The following NDUFA10 variants were observed in gnomAD, a reference collection of about 807,000 sequenced individuals.
NDUFA10 encodes the protein NADH:ubiquinone oxidoreductase subunit A10.
NDUFA10 carries 40 observed loss-of-function variants against 47.8 expected under a neutral mutation model. The observed-to-expected ratio is 0.84, with a 90% CI of 0.65 to 1.09. The LOEUF (loss-of-function observed/expected upper bound fraction) is 1.09, where lower values mean the gene tolerates loss of function less well. Among genes scored for constraint, NDUFA10 ranks in the 50% least tolerant of loss-of-function variants. The pLI is 0.00. For synonymous variants in NDUFA10, 183 were observed against 172.2 expected (o/e 1.06, Z -0.49); for missense variants, 413 against 451.1 (o/e 0.92, Z 0.76).
chr2:239,989,332 T>C (rs149352822), intron 9 of NDUFA10, among the ~76,000 whole-genome samples: 362 of 152,384 alleles, frequency 2.4e-3, no homozygotes, highest in African/African-American at 8.2e-3. Context: ...CAGACAATTA[T>C]AGTAATGCAA....
chr2:239,925,058 A>T (rs548459295), intron 4 of NDUFA10, among the ~76,000 whole-genome samples: 2 of 152,294 alleles, frequency 1.3e-5, no homozygotes, highest in South Asian at 4.1e-4. Context: ...GTAAAATAAG[A>T]TCTAAATAGA....
At chr2:239,969,808 A>T in intron 9 of NDUFA10, 1 of 470,448 alleles carries the variant, frequency 2.1e-6, no homozygotes, top group East Asian at 6.9e-5. Context: ...CACCCACAGA[A>T]GATAAGTGAG....
At chr2:239,944,295 G>A (rs778273894) in intron 4 of NDUFA10, among the ~76,000 whole-genome samples, 38 of 152,344 alleles carry the variant, frequency 2.5e-4, no homozygotes, top group Middle Eastern at 6.8e-3. Flanking sequence ...AAGTCCCCGG[G>A]GGCAGAGCGG....
intron 4 of NDUFA10, among the ~76,000 whole-genome samples, chr2:239,907,728 A>G (rs953833003): frequency 1.8e-4 from 27 of 152,240 alleles, no homozygotes; most frequent in African/African-American, 6.5e-4. Flanking sequence ...AATGGTGATC[A>G]TTAAAAAGTC....
Position 239,916,085 on chromosome 2 carries a change from C to T in NDUFA10, c.295-20771G>A, listed in dbSNP as rs1463548362. 4.0e-5 allele frequency among the ~76,000 whole-genome samples: 6 copies of T among 149,420 alleles called. No individual in the cohort carries two copies. The East Asian group carries it at 9.8e-4, about 24-fold the overall frequency. ...ACATACATACTCAGACACAAAGATA[C>T]AGATACACACAGAGAGACACAGAGA... On this transcript the variant is annotated intron_variant, in intron 4 of 5. Coordinates refer to the NDUFA10 transcript ENST00000419408.
chr2:239,940,181 C>T (rs1249831220), intron 4 of NDUFA10, among the ~76,000 whole-genome samples: 1 of 152,260 alleles, frequency 6.6e-6, no homozygotes, highest in African/African-American at 2.4e-5. Context: ...TACTCAACTC[C>T]AGGCAAAACC....
intron 4 of NDUFA10, among the ~76,000 whole-genome samples, chr2:239,937,537 T>C (rs1694284570): frequency 6.6e-6 from 1 of 152,232 alleles, no homozygotes; most frequent in Non-Finnish European, 1.5e-5. Context: ...ATTCATTTTA[T>C]GGCCTAATGA....
chr2:240,005,407 G>A (rs1559383051), intron 7 of NDUFA10, 112 bp from the exon 8 acceptor site: 2 of 843,290 alleles, frequency 2.4e-6, no homozygotes, highest in East Asian at 5.3e-5. Flanking sequence ...GGAAAGTAGT[G>A]GCACAATCAC....
intron 8 of NDUFA10, among the ~76,000 whole-genome samples, chr2:240,001,292 G>A (rs183728185): frequency 1.3e-5 from 2 of 152,254 alleles, no homozygotes; most frequent in African/African-American, 4.8e-5. Flanking sequence ...TAGTATTAAA[G>A]AACAAAAATA....
intron 4 of NDUFA10, among the ~76,000 whole-genome samples, chr2:239,910,335 A>G (rs1330289837): frequency 6.6e-6 from 1 of 152,240 alleles, no homozygotes; most frequent in African/African-American, 2.4e-5. Context: ...TCAATGATAG[A>G]CTGGGTAAAG....
rs967004163 is a variant in NDUFA10 at position 239,987,347 on chromosome 2, T to G, written c.999+2727A>C. Among the ~76,000 whole-genome samples the G allele has an allele frequency of 6.6e-6, 1 of 151,984 alleles. No homozygotes were observed. Among genetic ancestry groups the G allele is most frequent in the Non-Finnish European group, 1.5e-5 (1 of 67,994 alleles). On this transcript the variant is annotated intron_variant, in intron 9 of 9. Transcript: ENST00000252711. The surrounding 1 kb of genome is among the most constrained non-coding windows in gnomAD (Gnocchi z 4.8). Reference sequence around the variant, plus strand: ...GCATCGACAGGAGGACTCGCTCGAATGCGTGTCTGGGCCCCATCCCCTGCG... The same window carrying G: ...GCATCGACAGGAGGACTCGCTCGAAGGCGTGTCTGGGCCCCATCCCCTGCG...
rs762245412 is a variant in NDUFA10, at chr2:239,990,097, G to C, written c.976C>G (p.Arg326Gly). 2.5e-6 allele frequency: 4 copies of C among 1,612,072 alleles called. No homozygotes were observed. The highest frequency in any genetic ancestry group is 2.5e-6 in the Non-Finnish European group (3 of 1,178,292). Residue 326 changes from arginine (R) to glycine (G), a missense_variant, in exon 9 of 10, where the codon CGT becomes GGT. By Grantham distance (125) the Arg-to-Gly change is moderately radical (BLOSUM62 -2). Transcript: ENST00000252711. ...EVTIGAHQTD[R>G]VLHQFRELPG... ...ACCTCTCTGAACTGATGTAAGACAC[G>C]GTCAGTCTGATGAGCTCCAATGGTG... is the stretch of plus-strand genomic sequence containing the variant.
At chr2:240,011,418 C>T (rs994896885) in intron 6 of NDUFA10, among the ~76,000 whole-genome samples, 199 bp downstream of exon 6, 3 of 152,092 alleles carry the variant, frequency 2.0e-5, no homozygotes, top group African/African-American at 7.2e-5. Flanking sequence ...ATAAGCAAAC[C>T]AAAACAAATA....
chr2:239,999,228 T>A (rs1005323548), intron 8 of NDUFA10, among the ~76,000 whole-genome samples: 10 of 152,100 alleles, frequency 6.6e-5, no homozygotes, highest in Non-Finnish European at 1.5e-4. Context: ...TGGCTGCCCC[T>A]GTTTCACGTA....
rs76434192 is a variant in NDUFA10, at chr2:239,928,315, C to T, written c.295-33001G>A. On this transcript the variant is annotated intron_variant, in intron 4 of 5. Coordinates refer to the NDUFA10 transcript ENST00000419408. The surrounding 1 kb of genome is among the most constrained non-coding windows in gnomAD (Gnocchi z 4.3). ...ATGTTTTCCAAGAAATAAAGGAGCA[C>T]ATGAATTCCATGAATCATGACTAAA... Among the ~76,000 whole-genome samples, 3,367 of 152,160 alleles carry T rather than the reference C, an allele frequency of 0.022. 116 individuals carry two copies. The highest frequency in any genetic ancestry group is 0.071 in the African/African-American group (2,941 of 41,486).
intron 9 of NDUFA10, among the ~76,000 whole-genome samples, chr2:239,966,591 T>C (rs556804037): frequency 6.6e-6 from 1 of 152,304 alleles, no homozygotes; most frequent in Admixed American, 6.5e-5. Flanking sequence ...AACCCACTCG[T>C]GATTTCCCCC....
In NDUFA10 at chr2:239,967,340, C is replaced by A. The variant is rs992803144; in HGVS notation, c.1000-6154G>T. On this transcript the variant is annotated intron_variant, in intron 9 of 9. Coordinates refer to ENST00000252711, the MANE Select transcript of NDUFA10 (RefSeq NM_004544.4). ...ACTGTAGCCCACAGATCAAATCTCG[C>A]CGCTGACTGCTTCTGTAAATGAGGC... 5.3e-5 allele frequency among the ~76,000 whole-genome samples: 8 copies of A among 152,256 alleles called. No individual in the cohort carries two copies. The South Asian group carries it at 1.7e-3, about 32-fold the overall frequency.
intron 4 of NDUFA10, among the ~76,000 whole-genome samples, chr2:239,938,162 C>A (rs951623524): frequency 7.7e-4 from 118 of 152,312 alleles, no homozygotes; most frequent in African/African-American, 2.7e-3. Context: ...TCGGACAGCT[C>A]CCCCATCTGT....
At chr2:239,942,523 C>T (rs1336894794) in intron 4 of NDUFA10, among the ~76,000 whole-genome samples, 4 of 152,204 alleles carry the variant, frequency 2.6e-5, no homozygotes, top group African/African-American at 9.7e-5. Context: ...TGAGGTCTGA[C>T]ATCTTATTTT....
Sources: gnomAD v4.1 joint callset for allele counts (sites outside exome capture counted in the v4.1 genomes callset) on GRCh38, gnomAD v4.1.1 for gene constraint, Gnocchi (gnomAD v3.1) non-coding constraint, MANE v1.5 for transcripts, NCBI Gene and HGNC (gene_info 2026-07-23, HGNC 2026-07-21) for gene names.